HSPG2: variants seen among roughly 807,000 people sequenced by gnomAD.
HSPG2 encodes the protein basement membrane-specific heparan sulfate proteoglycan core protein.
In HSPG2, 278 loss-of-function variants were observed where a neutral mutation model predicts 526.6. The ratio of observed to expected loss-of-function variants is 0.53; its 90% confidence interval spans 0.48 to 0.58. HSPG2 has a LOEUF of 0.58. Ranked by LOEUF, HSPG2 falls within the 20% of genes least tolerant of loss-of-function variation. The pLI is 0.00. For synonymous variants in HSPG2, 2,465 were observed against 2,555.4 expected, an observed-to-expected ratio of 0.96 and a Z score of 1.07; for missense variants, 5,354 against 6,099.5, an observed-to-expected ratio of 0.88 and a Z score of 4.07.
chr1:21,846,172 G>A lies in HSPG2; in HGVS notation c.8400C>T (p.Gly2800=). 1 of 1,613,112 alleles carries A rather than the reference G, an allele frequency of 6.2e-7. No homozygotes were observed. Among genetic ancestry groups the A allele is most frequent in the African/African-American group, 1.3e-5 (1 of 75,048 alleles). Residue 2800 remains glycine, a synonymous_variant, in exon 64 of 97, where the codon GGC becomes GGT. Coordinates refer to ENST00000374695, the MANE Select transcript of HSPG2 (RefSeq NM_005529.7). The part of the protein sequence containing the change: ...EYVCRVMGSS[G]PLEASVLVTI... ...TGACCAGGACTGAGGCCTCCAGGGG[G>A]CCAGAGCTGCCCATCACCCGGCACA...
Position 21,885,466 on chromosome 1 carries a change from A to G in HSPG2, c.1079-15T>C, listed in dbSNP as rs1235704630. The G allele has an allele frequency of 6.2e-7, 1 of 1,613,796 alleles. No individual in the cohort carries two copies. The highest frequency in any genetic ancestry group is 1.1e-5 in the South Asian group (1 of 91,060). The stretch of plus-strand genomic sequence containing the variant: ...ACGCTTGGTGGCTGGGGACAAAGCC[A>G]GGTGGTTCCCAATAGCCCACCCCGT... On this transcript the variant is annotated splice_polypyrimidine_tract_variant and intron_variant, in intron 9 of 96. Transcript: ENST00000374695.
rs371213672 is a variant in HSPG2, at chr1:21,855,563, G to A, written c.5814C>T (p.Ser1938=). ...QAQYLCRAHS[S]AGQQVARAVL... ...CAGCCCTGGCCACCTGCTGCCCAGC[G>A]CTGCTGTGGGCTCGGCACAAGTACT... The change falls in exon 46 of 97, where the codon AGC becomes AGT. Residue 1938 remains serine, a synonymous_variant. Coordinates refer to ENST00000374695, the MANE Select transcript of HSPG2 (RefSeq NM_005529.7). 33 of 1,600,174 alleles carry A rather than the reference G, an allele frequency of 2.1e-5. No homozygotes were observed. Among genetic ancestry groups the A allele is most frequent in the Non-Finnish European group, 2.4e-5 (28 of 1,175,050 alleles).
At chr1:21,927,479 T>C (rs1644230840) in intron 1 of HSPG2, among the ~76,000 whole-genome samples, 1 of 151,986 alleles carries the variant, frequency 6.6e-6, no homozygotes, top group Admixed American at 6.6e-5. Flanking sequence ...TCCTGCCTCC[T>C]CCAGTGTAGG....
Position 21,839,798 on chromosome 1 carries a change from C to A in HSPG2, c.9709+24G>T. The A allele has an allele frequency of 6.2e-7, 1 of 1,611,460 alleles. No individual in the cohort carries two copies. The highest frequency in any genetic ancestry group is 8.5e-7 in the Non-Finnish European group (1 of 1,179,368). The stretch of plus-strand genomic sequence containing the variant: ...CCAGGGCATCCCTGCCCTGCCAGCC[C>A]TATGTGCCAGCCCTTGGTCACACCT... On this transcript the variant is annotated intron_variant, in intron 72 of 96. Coordinates refer to ENST00000374695, the MANE Select transcript of HSPG2 (RefSeq NM_005529.7). This position sits in a 1 kb window ranked among gnomAD's most constrained non-coding sequence, Gnocchi z 4.5.
chr1:21,833,156 A>G, intron 80 of HSPG2, 112 bp downstream of exon 80: 1 of 895,080 alleles, frequency 1.1e-6, no homozygotes. Flanking sequence ...GGGAGGGCTG[A>G]GGGATTGGGG....
At chr1:21,851,396 G>T in intron 55 of HSPG2, 150 bp downstream of exon 55, 2 of 1,147,704 alleles carry the variant, frequency 1.7e-6, no homozygotes, top group Non-Finnish European at 2.5e-6. Context: ...GTCAGTCCTA[G>T]ATTCTGGTTT....
chr1:21,912,578 C>G (rs935941293), intron 1 of HSPG2, among the ~76,000 whole-genome samples: 2 of 152,184 alleles, frequency 1.3e-5, no homozygotes, highest in East Asian at 3.8e-4. Flanking sequence ...GGGAACCAAC[C>G]AGACTTGGAG....
chr1:21,874,796 T>A, intron 26 of HSPG2, 67 bp from the exon 27 acceptor site: 1 of 1,508,484 alleles, frequency 6.6e-7, no homozygotes, highest in African/African-American at 1.4e-5. Flanking sequence ...GGGCACTGGA[T>A]GGCCAGGGCT....
chr1:21,845,244 T>TCAAAA lies in HSPG2; in HGVS notation c.8464+859_8464+863dup, dbSNP rs372238509. Among the ~76,000 whole-genome samples, 634 of 152,204 alleles carry TCAAAA rather than the reference T, an allele frequency of 4.2e-3. 6 individuals are homozygous for TCAAAA. The highest frequency in any genetic ancestry group is 0.014 in the African/African-American group (587 of 41,490). On this transcript the variant is annotated intron_variant, in intron 64 of 96. Coordinates refer to ENST00000374695, the MANE Select transcript of HSPG2 (RefSeq NM_005529.7). ...CTGGGCGACAGAGCAAGACTCCGTC[T>TCAAAA]CAAAACAAAACAAAACAAAAAAAAC...
intron 85 of HSPG2, chr1:21,830,690 CAAAAAAAAAAAAAA>C: frequency 9.4e-6 from 1 of 106,406 alleles, no homozygotes; most frequent in Non-Finnish European, 1.6e-5. Flanking sequence ...AACTTCGTCT[CAAAAAAAAAAAAAA>C]AAAAAAAAGA....
At chr1:21,837,611 G>C (rs2098031848) in intron 74 of HSPG2, among the ~76,000 whole-genome samples, 2 of 152,060 alleles carry the variant, frequency 1.3e-5, no homozygotes, top group South Asian at 2.1e-4. Flanking sequence ...TTTAAGGAAG[G>C]ACAGCAAAGC....
At chr1:21,855,140 G>A (rs1303669613) in intron 47 of HSPG2, among the ~76,000 whole-genome samples, 157 bp from the exon 48 acceptor site, 1 of 149,712 alleles carries the variant, frequency 6.7e-6, no homozygotes, top group East Asian at 1.9e-4. Context: ...CAAGAGGACG[G>A]CAGGGGCTCC....
rs751181582 is a variant in HSPG2 at position 21,828,891 on chromosome 1, C to G, written c.12181G>C (p.Val4061Leu). The G allele has an allele frequency of 6.4e-7, 1 of 1,554,748 alleles. No homozygotes were observed. The highest frequency in any genetic ancestry group is 8.7e-7 in the Non-Finnish European group (1 of 1,149,002). ...ATGTTGGTGGCCGGGGACAGTGGCACGGAAGGCTCCACACCCCCCAGGTAG... is the reference window on the plus strand; with the variant it reads ...ATGTTGGTGGCCGGGGACAGTGGCAGGGAAGGCTCCACACCCCCCAGGTAG... Reference protein sequence around the residue: ...LLYLGGVEPSVPLSPATNMSA... With the variant: ...LLYLGGVEPSLPLSPATNMSA... The change falls in exon 88 of 97, where the codon GTG (valine) becomes CTG (leucine). Residue 4061 changes from valine to leucine, a missense_variant. Transcript: ENST00000374695. This position sits in a 1 kb window ranked among gnomAD's most constrained non-coding sequence, Gnocchi z 6.0.
chr1:21,918,637 G>A (rs983474697), intron 1 of HSPG2, among the ~76,000 whole-genome samples: 3 of 152,154 alleles, frequency 2.0e-5, no homozygotes, highest in South Asian at 2.1e-4. Context: ...TCATTCTATA[G>A]AGGAGGGAAG....
At chr1:21,919,201 G>A (rs1041367000) in intron 1 of HSPG2, among the ~76,000 whole-genome samples, 1 of 152,192 alleles carries the variant, frequency 6.6e-6, no homozygotes, top group African/African-American at 2.4e-5. Context: ...CAAGGCTGGC[G>A]GATCACTTGA....
chr1:21,843,399 C>G lies in HSPG2; in HGVS notation c.8656G>C (p.Ala2886Pro), dbSNP rs781526229. The change falls in exon 66 of 97, where the codon GCT becomes CCT. Residue 2886 changes from alanine (A) to proline (P), a missense_variant. Ala to Pro is a conservative substitution (Grantham distance 27). Transcript: ENST00000374695. ...PLLRLNQVSP[A>P]DSGEYSCQVT... ...TGGCACGAGTACTCGCCAGAGTCAG[C>G]CGGGGACACCTGGTTCAGCCTCAGC... The G allele has an allele frequency of 6.2e-7, 1 of 1,613,724 alleles. No individual in the cohort carries two copies. Among genetic ancestry groups the G allele is most frequent in the South Asian group, 1.1e-5 (1 of 90,982 alleles).
rs1232845784 is a variant in HSPG2 at position 21,828,539 on chromosome 1, G to C, written c.12238-113C>G. ...GAGCTGGGAGCCCACATTGGGCCCT[G>C]AGTGGTAGCATGGATTCTCGGTGTG... On this transcript the variant is annotated intron_variant, in intron 88 of 96. Coordinates refer to ENST00000374695, the MANE Select transcript of HSPG2 (RefSeq NM_005529.7). The surrounding 1 kb of genome is among the most constrained non-coding windows in gnomAD (Gnocchi z 6.0). The C allele has an allele frequency of 8.7e-7, 1 of 1,154,322 alleles. No homozygotes were observed. The highest frequency in any genetic ancestry group is 1.5e-5 in the African/African-American group (1 of 65,936). 71.5% of individuals were successfully genotyped at this position (1,154,322 alleles called of 1,614,324 possible).
Position 21,887,131 on chromosome 1 carries a change from G to GGGCAGGGCAGGAGTGGAA in HSPG2, c.1078+83_1078+84insTTCCACTCCTGCCCTGCC. On this transcript the variant is annotated intron_variant, in intron 9 of 96. Transcript: ENST00000374695. The surrounding 1 kb of genome is among the most constrained non-coding windows in gnomAD (Gnocchi z 5.0). ...GGGGGAAAGCGGAGGGGCAGGGTAG[G>GGGCAGGGCAGGAGTGGAA]GGCGGGGCAGGAGTGGAAGGCGGGG... is the stretch of plus-strand genomic sequence containing the variant. The GGGCAGGGCAGGAGTGGAA allele has an allele frequency of 7.0e-7, 1 of 1,429,940 alleles. No homozygotes were observed. Among genetic ancestry groups the GGGCAGGGCAGGAGTGGAA allele is most frequent in the Non-Finnish European group, 9.6e-7 (1 of 1,040,994 alleles). 88.6% of individuals were successfully genotyped at this position (1,429,940 alleles called of 1,614,324 possible). A position where few individuals can be genotyped will look rare whatever the true frequency, so the allele number is the denominator to read the frequency against.
rs1308356276 is a variant in HSPG2, at chr1:21,851,483, A to G, written c.7158+63T>C. 1.7e-5 allele frequency: 27 copies of G among 1,610,510 alleles called. No homozygotes were observed. The Middle Eastern group carries it at 6.6e-4, about 39-fold the overall frequency. On this transcript the variant is annotated intron_variant, in intron 55 of 96. Transcript: ENST00000374695. ...CAGGGGAGCCTCTAGCCCTCCCCCAATAACCTCCGCCACCCAGGGACCCGC... is the reference window on the plus strand; with the variant it reads ...CAGGGGAGCCTCTAGCCCTCCCCCAGTAACCTCCGCCACCCAGGGACCCGC...
Sources: gnomAD v4.1 joint callset for allele counts (sites outside exome capture counted in the v4.1 genomes callset) on GRCh38, gnomAD v4.1.1 for gene constraint, Gnocchi (gnomAD v3.1) non-coding constraint, MANE v1.5 for transcripts, NCBI Gene and HGNC (gene_info 2026-07-23, HGNC 2026-07-21) for gene names.